TBC1D5: variants seen among roughly 807,000 people sequenced by gnomAD.
TBC1D5 encodes the protein TBC1 domain family, member 5.
A neutral mutation model predicts 100.3 loss-of-function variants in TBC1D5; 75 were observed. That is an observed-to-expected ratio of 0.75 (90% confidence interval 0.62 to 0.91). TBC1D5 has a LOEUF of 0.91. Among genes scored for constraint, TBC1D5 ranks in the 40% least tolerant of loss-of-function variants. TBC1D5 has a pLI of 0.00. For missense variants in TBC1D5, 910 were observed against 942.4 expected, an observed-to-expected ratio of 0.97 and a Z score of 0.45; for synonymous variants, 323 against 325.6, an observed-to-expected ratio of 0.99 and a Z score of 0.09.
At chr3:17,188,486 T>G (rs188928750) in intron 18 of TBC1D5, among the ~76,000 whole-genome samples, 1 of 152,210 alleles carries the variant, frequency 6.6e-6, no homozygotes, top group African/African-American at 2.4e-5. Context: ...AAAAGAGGAC[T>G]ACTCTGGCTG....
chr3:17,268,623 G>A (rs755012590), intron 15 of TBC1D5, among the ~76,000 whole-genome samples: 4 of 151,586 alleles, frequency 2.6e-5, no homozygotes, highest in Non-Finnish European at 5.9e-5. Context: ...AACTGTAATC[G>A]GATAGGAAAA....
chr3:17,606,870 TTCAGA>T (rs2061363639), intron 2 of TBC1D5, among the ~76,000 whole-genome samples: 1 of 152,062 alleles, frequency 6.6e-6, no homozygotes, highest in African/African-American at 2.4e-5. Flanking sequence ...CACCAACAGC[TTCAGA>T]TAAGACAGAA....
intron 2 of TBC1D5, among the ~76,000 whole-genome samples, chr3:17,555,227 C>A (rs1305601900): frequency 6.6e-6 from 1 of 152,082 alleles, no homozygotes; most frequent in African/African-American, 2.4e-5. Flanking sequence ...AGACAAGTCT[C>A]AATCAATTTA....
At position 17,733,728 on chromosome 3, in the gene TBC1D5, C is replaced by G. The variant is rs2076745864; in HGVS notation, c.-101+5615G>C. On this transcript the variant is annotated intron_variant, in intron 1 of 21. Coordinates refer to ENST00000253692, the Ensembl canonical transcript of TBC1D5. ...GTCAATGAAATTAAGAAAAATCATT[C>G]TAGCACAACTTCCGTAAGTCAAAAT... Among the ~76,000 whole-genome samples, 5 of 151,956 alleles carry G rather than the reference C, an allele frequency of 3.3e-5. No homozygotes were observed. The South Asian group carries it at 1.0e-3, about 32-fold the overall frequency.
chr3:17,622,593 A>T (rs2062758595), intron 2 of TBC1D5: 1 of 151,978 alleles, frequency 6.6e-6, no homozygotes, highest in Non-Finnish European at 1.5e-5. Context: ...AAAAAAAAAA[A>T]GGATGCTATA....
intron 1 of TBC1D5, among the ~76,000 whole-genome samples, chr3:17,671,886 C>T (rs2153786458): frequency 6.6e-6 from 1 of 152,338 alleles, no homozygotes; most frequent in East Asian, 1.9e-4. Flanking sequence ...GTTTATTACA[C>T]AGCATAAACA....
chr3:17,719,177 A>T (rs903091792), intron 1 of TBC1D5, among the ~76,000 whole-genome samples: 22 of 152,204 alleles, frequency 1.4e-4, no homozygotes, highest in African/African-American at 5.3e-4. Context: ...AAAAAACTAC[A>T]ATGTTTCAAA....
chr3:17,288,706 G>C, intron 15 of TBC1D5, among the ~76,000 whole-genome samples: 1 of 152,148 alleles, frequency 6.6e-6, no homozygotes, highest in Non-Finnish European at 1.5e-5. Flanking sequence ...CCCCTCTCCA[G>C]TGAGAGCTAT....
intron 3 of TBC1D5, among the ~76,000 whole-genome samples, chr3:17,496,403 C>T (rs2095707708): frequency 6.6e-6 from 1 of 152,172 alleles, no homozygotes; most frequent in Middle Eastern, 3.4e-3. Flanking sequence ...TGATTACATG[C>T]TCTCCACACA....
intron 3 of TBC1D5, among the ~76,000 whole-genome samples, chr3:17,493,229 A>AT (rs1348166433): frequency 6.6e-5 from 10 of 151,490 alleles, no homozygotes; most frequent in South Asian, 2.1e-4. Flanking sequence ...TGGGTTGGAA[A>AT]TTATTTTTTT....
chr3:17,330,060 C>T (rs951827339), intron 13 of TBC1D5, among the ~76,000 whole-genome samples: 46 of 152,080 alleles, frequency 3.0e-4, no homozygotes, highest in Admixed American at 3.0e-3. Context: ...CAAAACATGG[C>T]AGCCCTCACA....
chr3:17,220,707 C>T (rs1462302946), intron 17 of TBC1D5, among the ~76,000 whole-genome samples: 1 of 151,906 alleles, frequency 6.6e-6, no homozygotes, highest in Non-Finnish European at 1.5e-5. Flanking sequence ...TGAATTTTCT[C>T]CTTGCTCCTT....
At position 17,404,696 on chromosome 3, in the gene TBC1D5, C is replaced by T. The variant is rs763706098; in HGVS notation, c.439G>A (p.Gly147Arg). 3 of 1,603,590 alleles carry T rather than the reference C, an allele frequency of 1.9e-6. No individual in the cohort carries two copies. In the Admixed American group the frequency reaches 5.2e-5, roughly 28 times the overall value. ...ACATGAACAAAGACGAACTTTACCC[C>T]TTCATCCTGTGAAAGAGGATTATTG... Residue 147 changes from glycine to arginine, a missense_variant and splice_region_variant, in exon 7 of 22, where the codon GGG (glycine) becomes AGG (arginine). Physicochemically the swap from Gly to Arg is moderately radical, Grantham distance 125. Transcript: ENST00000253692.
intron 1 of TBC1D5, among the ~76,000 whole-genome samples, chr3:17,677,308 A>G (rs2068772155): frequency 6.6e-6 from 1 of 152,246 alleles, no homozygotes; most frequent in Admixed American, 6.5e-5. Flanking sequence ...ATTTACAAGA[A>G]AAAAACAACC....
chr3:17,420,958 G>T lies in TBC1D5; in HGVS notation c.167+7492C>A, dbSNP rs138461776. On this transcript the variant is annotated intron_variant, in intron 4 of 21. Transcript: ENST00000253692. ...AAATTTCCCCTAAAGCCTGGCAACA[G>T]ATAACTAAAAGGGCTTGAAGGGGTT... 8.6e-3 allele frequency among the ~76,000 whole-genome samples: 1,308 copies of T among 152,258 alleles called. 10 individuals are homozygous for T. The highest frequency in any genetic ancestry group is 0.015 in the Non-Finnish European group (1,012 of 67,998).
At chr3:17,487,227 A>G (rs2095580503) in intron 3 of TBC1D5, among the ~76,000 whole-genome samples, 1 of 152,236 alleles carries the variant, frequency 6.6e-6, no homozygotes, top group African/African-American at 2.4e-5. Flanking sequence ...GTTGACCGCT[A>G]TTCTAGAGAA....
At chr3:17,446,644 A>T (rs533938803) in intron 3 of TBC1D5, among the ~76,000 whole-genome samples, 1 of 152,362 alleles carries the variant, frequency 6.6e-6, no homozygotes, top group South Asian at 2.1e-4. Context: ...AAAGCTTAGG[A>T]TAAAAACAGA....
chr3:17,724,754 G>A (rs1446982720), intron 1 of TBC1D5, among the ~76,000 whole-genome samples: 1 of 151,996 alleles, frequency 6.6e-6, no homozygotes, highest in East Asian at 1.9e-4. Context: ...TGAAAGACAT[G>A]TCACTTTCTC....
intron 3 of TBC1D5, among the ~76,000 whole-genome samples, chr3:17,505,930 A>G (rs553180174): frequency 2.6e-5 from 4 of 152,290 alleles, no homozygotes; most frequent in Admixed American, 2.6e-4. Flanking sequence ...TTTAATTCAC[A>G]TGGAAAATAT....
Sources: allele counts gnomAD v4.1 joint callset (sites outside exome capture counted in the v4.1 genomes callset), GRCh38; gene constraint gnomAD v4.1.1; transcripts MANE v1.5; gene names NCBI Gene and HGNC (gene_info 2026-07-23, HGNC 2026-07-21).